The following PCDHGA8 variants were observed in gnomAD, a reference collection of about 807,000 sequenced individuals.
PCDHGA8 encodes the protein protocadherin gamma subfamily A, 8.
Under a neutral mutation model 59.2 loss-of-function variants are expected in PCDHGA8, and 45 were observed. That is an observed-to-expected ratio of 0.76 (90% CI 0.60 to 0.98). The LOEUF (loss-of-function observed/expected upper bound fraction) is 0.98, where lower values mean the gene tolerates loss of function less well. Ranked by LOEUF, PCDHGA8 falls within the 50% of genes least tolerant of loss-of-function variation. The pLI, the probability that PCDHGA8 is intolerant of heterozygous loss-of-function variation, is 0.00. For missense variants in PCDHGA8, 1,257 were observed against 1,196.2 expected, an observed-to-expected ratio of 1.05 and a Z score of -0.75; for synonymous variants, 531 against 519.0, an observed-to-expected ratio of 1.02 and a Z score of -0.32.
chr5:141,508,045 T>A (rs985875804), intron 3 of PCDHGA8: 1 of 152,264 alleles, frequency 6.6e-6, no homozygotes, highest in Non-Finnish European at 1.5e-5. Flanking sequence ...GCCAGCTGTG[T>A]TCCAGCTAAT....
chr5:141,489,210 G>C lies in PCDHGA8; in HGVS notation c.2425-5597G>C. ...TCTACCTTGGAGACAGGACAGCACA[G>C]ACTTACTCTCCACAAAGGGACTTCT... On this transcript the variant is annotated intron_variant, in intron 1 of 3. Coordinates refer to ENST00000398604, the MANE Select transcript of PCDHGA8 (RefSeq NM_032088.2). This position sits in a 1 kb window ranked among gnomAD's most constrained non-coding sequence, Gnocchi z 4.5. 6.8e-7 allele frequency: 1 copy of C among 1,461,860 alleles called. No individual in the cohort carries two copies. Among genetic ancestry groups the C allele is most frequent in the African/African-American group, 1.4e-5 (1 of 70,802 alleles). 90.6% of individuals were successfully genotyped at this position (1,461,860 alleles called of 1,614,324 possible).
Position 141,394,019 on chromosome 5 carries a change from T to C in PCDHGA8, c.1206T>C (p.Tyr402=). Reference sequence around the variant, plus strand: ...TAGAAAAGTCAATAGGTAATTATTATAGATTAGTGACAAGGAAATATTTGG... The same window carrying C: ...TAGAAAAGTCAATAGGTAATTATTACAGATTAGTGACAAGGAAATATTTGG... ...FKLEKSIGNY[Y]RLVTRKYLDR... Residue 402 remains tyrosine, a synonymous_variant, in exon 1 of 4, where the codon TAT becomes TAC. Transcript: ENST00000398604. 1 of 1,613,522 alleles carries C rather than the reference T, an allele frequency of 6.2e-7. No individual in the cohort carries two copies. The highest frequency in any genetic ancestry group is 8.5e-7 in the Non-Finnish European group (1 of 1,179,644).
intron 3 of PCDHGA8, among the ~76,000 whole-genome samples, chr5:141,506,444 C>T (rs542906499): frequency 2.1e-5 from 2 of 95,022 alleles, no homozygotes; most frequent in South Asian, 3.6e-4. Flanking sequence ...CGCTCTGTCT[C>T]AAAAAAAAAA....
In PCDHGA8 at chr5:141,476,742, G is replaced by C. The variant is rs1015622831; in HGVS notation, c.2425-18065G>C. 8.7e-6 allele frequency: 14 copies of C among 1,613,936 alleles called. No homozygotes were observed. Among genetic ancestry groups the C allele is most frequent in the Non-Finnish European group, 1.1e-5 (13 of 1,180,032 alleles). On this transcript the variant is annotated intron_variant, in intron 1 of 3. Transcript: ENST00000398604. The surrounding 1 kb of genome is among the most constrained non-coding windows in gnomAD (Gnocchi z 7.6). ...GCCCTGGACCGAGAACGGGAGCCTA[G>C]TCTCCAGTTAGTGCTGACGGCGTTG...
intron 1 of PCDHGA8, chr5:141,407,951 A>G (rs1256400393): frequency 1.7e-6 from 1 of 578,448 alleles, no homozygotes; most frequent in Non-Finnish European, 2.8e-6. Flanking sequence ...GCTGTCGGCC[A>G]GTGCAGAGCA....
chr5:141,497,062 A>C (rs779414748), intron 2 of PCDHGA8, among the ~76,000 whole-genome samples: 6 of 152,024 alleles, frequency 3.9e-5, no homozygotes, highest in Non-Finnish European at 7.4e-5. Flanking sequence ...GGTGGCAGGC[A>C]CCTGTAATCC....
At chr5:141,478,644 T>G in intron 1 of PCDHGA8, 1 of 1,552,238 alleles carries the variant, frequency 6.4e-7, no homozygotes, top group South Asian at 1.2e-5. Context: ...GATGAAGATG[T>G]TTTCCTGGTG....
rs1331251272 is a variant in PCDHGA8 at position 141,394,996 on chromosome 5, C to G, written c.2183C>G (p.Ser728Cys). The G allele has an allele frequency of 3.1e-6, 5 of 1,614,034 alleles. No individual in the cohort carries two copies. In the South Asian group the frequency reaches 5.5e-5, roughly 18 times the overall value. The change falls in exon 1 of 4, where the codon TCC becomes TGC. Residue 728 changes from serine (S) to cysteine (C), a missense_variant. Coordinates refer to ENST00000398604, the MANE Select transcript of PCDHGA8 (RefSeq NM_032088.2). ...CACAAGTCACGCCTGCTCCAGGATTCCGGTGGCAGATTGGTAGGCGTGCCT... is the reference window on the plus strand; with the variant it reads ...CACAAGTCACGCCTGCTCCAGGATTGCGGTGGCAGATTGGTAGGCGTGCCT... ...RWHKSRLLQDSGGRLVGVPAS... is the reference protein window; with the variant it reads ...RWHKSRLLQDCGGRLVGVPAS...
At chr5:141,442,111 C>G (rs1265830634) in intron 1 of PCDHGA8, 1 of 166,236 alleles carries the variant, frequency 6.0e-6, no homozygotes, top group Non-Finnish European at 1.3e-5. Context: ...CACTACCGCC[C>G]CTCGTCGCCG....
chr5:141,449,645 A>G (rs1331667429), intron 1 of PCDHGA8, among the ~76,000 whole-genome samples: 1 of 151,128 alleles, frequency 6.6e-6, no homozygotes, highest in African/African-American at 2.4e-5. Context: ...CTATATATAC[A>G]TATTTACATA....
intron 1 of PCDHGA8, chr5:141,415,463 T>G: frequency 6.2e-7 from 1 of 1,614,228 alleles, no homozygotes; most frequent in South Asian, 1.1e-5. Flanking sequence ...GAGGTCTCTC[T>G]CACCGCGGAC....
Position 141,393,520 on chromosome 5 carries a change from A to G in PCDHGA8, c.707A>G (p.Asn236Ser). The stretch of plus-strand genomic sequence containing the variant: ...ATCCACGTGACAGTGTTGGATACAA[A>G]TGACAATGCCCCGGTTTTTCCTCAC... ...VRIHVTVLDT[N>S]DNAPVFPHPI... is the part of the protein sequence containing the mutation. Residue 236 changes from asparagine (N) to serine (S), a missense_variant, in exon 1 of 4, where the codon AAT (asparagine) becomes AGT (serine). Transcript: ENST00000398604. 2 of 1,614,038 alleles carry G rather than the reference A, an allele frequency of 1.2e-6. No individual in the cohort carries two copies. Among genetic ancestry groups the G allele is most frequent in the Non-Finnish European group, 1.7e-6 (2 of 1,179,908 alleles).
At chr5:141,409,674 TAGTGGCG>T in intron 1 of PCDHGA8, 1 of 1,613,414 alleles carries the variant, frequency 6.2e-7, no homozygotes, top group Non-Finnish European at 8.5e-7. Flanking sequence ...TCCTACTCTA[TAGTGGCG>T]AGTGACCTAG....
chr5:141,488,939 T>C (rs1229571704), intron 1 of PCDHGA8, among the ~76,000 whole-genome samples: 1 of 152,114 alleles, frequency 6.6e-6, no homozygotes, highest in Non-Finnish European at 1.5e-5. Context: ...GGAAACTCCA[T>C]AATTGGTTGA....
At chr5:141,404,565 G>C in intron 1 of PCDHGA8, 2 of 1,613,910 alleles carry the variant, frequency 1.2e-6, no homozygotes. Flanking sequence ...AGTGACAGTG[G>C]AAGCCCACCA....
At position 141,413,133 on chromosome 5, in the gene PCDHGA8, C is replaced by T. The variant is rs765215473; in HGVS notation, c.2424+17896C>T. The stretch of plus-strand genomic sequence containing the variant: ...CAAAGGAACCGGTTGAAACACACAA[C>T]GTGTCCAGTGAGGACTTTGCAGAAT... On this transcript the variant is annotated intron_variant, in intron 1 of 3. Transcript: ENST00000398604. 1.1e-5 allele frequency: 17 copies of T among 1,542,110 alleles called. No individual in the cohort carries two copies. In the East Asian group the frequency reaches 3.2e-4, roughly 29 times the overall value.
chr5:141,413,842 G>C, intron 1 of PCDHGA8: 1 of 1,613,294 alleles, frequency 6.2e-7, no homozygotes, highest in Non-Finnish European at 8.5e-7. Flanking sequence ...CGACGGGGGT[G>C]ACCCTCTCCG....
chr5:141,448,135 TA>T (rs2098567569), intron 1 of PCDHGA8, among the ~76,000 whole-genome samples: 1 of 151,880 alleles, frequency 6.6e-6, no homozygotes, highest in South Asian at 2.1e-4. Flanking sequence ...CCACCCTCAC[TA>T]TACCTCAGAC....
chr5:141,417,699 C>G, intron 1 of PCDHGA8: 1 of 1,164,548 alleles, frequency 8.6e-7, no homozygotes. Context: ...AACCAGCTCC[C>G]ACACAGAGGC....
Sources: gnomAD v4.1 joint callset for allele counts (sites outside exome capture counted in the v4.1 genomes callset) on GRCh38, gnomAD v4.1.1 for gene constraint, Gnocchi (gnomAD v3.1) non-coding constraint, MANE v1.5 for transcripts, NCBI Gene and HGNC (gene_info 2026-07-23, HGNC 2026-07-21) for gene names.